Variants in ABCA1 observed in about 807,000 individuals in gnomAD.
ABCA1 encodes the protein ATP binding cassette subfamily A member 1, also known as phospholipid-transporting ATPase ABCA1.
Under a neutral mutation model 262.5 loss-of-function variants are expected in ABCA1, and 133 were observed. The ratio of observed to expected loss-of-function variants is 0.51; its 90% CI spans 0.44 to 0.59. The LOEUF (loss-of-function observed/expected upper bound fraction) is 0.59, where lower values mean the gene tolerates loss of function less well. ABCA1 is among the 20% of genes least tolerant of loss of function. ABCA1 has a pLI of 0.00. For synonymous variants in ABCA1, 1,022 were observed against 1,043.5 expected, an observed-to-expected ratio of 0.98 and a Z score of 0.40; for missense variants, 2,452 against 2,777.5, an observed-to-expected ratio of 0.88 and a Z score of 2.63.
intron 27 of ABCA1, 76 bp from the exon 28 acceptor site, chr9:104,812,798 C>T: frequency 6.4e-7 from 1 of 1,572,742 alleles, no homozygotes. Context: ...CTTCTGGTGT[C>T]TTCAACAACT....
Position 104,805,719 on chromosome 9 carries a change from T to C in ABCA1, c.4464+522A>G, listed in dbSNP as rs926000424. On this transcript the variant is annotated intron_variant, in intron 31 of 49. Coordinates refer to ENST00000374736, the MANE Select transcript of ABCA1 (RefSeq NM_005502.4). The stretch of plus-strand genomic sequence containing the variant: ...GCCTGCCACAGTCTGTCCTGTGACT[T>C]TACTGCTGTGGGACAGGCATGGGCA... Among the ~76,000 whole-genome samples the C allele has an allele frequency of 5.9e-5, 9 of 152,328 alleles. No homozygotes were observed. The East Asian group carries it at 1.7e-3, about 29-fold the overall frequency.
At chr9:104,829,162 G>A in intron 14 of ABCA1, 24 bp from the exon 15 acceptor site, 4 of 1,613,300 alleles carry the variant, frequency 2.5e-6, no homozygotes, top group Non-Finnish European at 3.4e-6. Flanking sequence ...GGAAGGACAA[G>A]GGGAGAAAGA....
In ABCA1 at chr9:104,818,630, C is replaced by T. The variant is rs999410877; in HGVS notation, c.3462+33G>A. 1.9e-6 allele frequency: 3 copies of T among 1,604,318 alleles called. No homozygotes were observed. In the African/African-American group the frequency reaches 4.0e-5, roughly 21 times the overall value. On this transcript the variant is annotated intron_variant, in intron 23 of 49. Transcript: ENST00000374736. Reference sequence around the variant, plus strand: ...CCAGCAAGTCCTGGCTGCCCAGACCCAACACCAGCCCAGCACCAAGACTGC... The same window carrying T: ...CCAGCAAGTCCTGGCTGCCCAGACCTAACACCAGCCCAGCACCAAGACTGC...
chr9:104,836,239 G>T (rs530673083), intron 11 of ABCA1, among the ~76,000 whole-genome samples: 8 of 152,246 alleles, frequency 5.3e-5, no homozygotes, highest in South Asian at 4.1e-4. Context: ...AAACCCAGCC[G>T]CCCTTAAAGT....
intron 18 of ABCA1, 86 bp downstream of exon 18, chr9:104,824,379 A>G: frequency 1.3e-6 from 2 of 1,591,140 alleles, no homozygotes; most frequent in Non-Finnish European, 1.7e-6. Flanking sequence ...GTCTTTTAGA[A>G]AGGCAGGAGA....
At chr9:104,812,455 C>T (rs1831360199) in intron 28 of ABCA1, 119 bp downstream of exon 28, 2 of 1,326,882 alleles carry the variant, frequency 1.5e-6, no homozygotes, top group Admixed American at 1.8e-5. Context: ...GATTGAAATA[C>T]AGATAAATCT....
rs147342628 is a variant in ABCA1 at position 104,828,602 on chromosome 9, T to C, written c.2115+314A>G. Among the ~76,000 whole-genome samples the C allele has an allele frequency of 5.8e-3, 888 of 152,286 alleles. 5 individuals are homozygous for C. The highest frequency in any genetic ancestry group is 0.017 in the Middle Eastern group (5 of 294). On this transcript the variant is annotated intron_variant, in intron 15 of 49. Transcript: ENST00000374736. Reference sequence around the variant, plus strand: ...CACCCAATATATCTAAGAAAATAAATAGCTTTCAGATGCTGCCATGAACCA... The same window carrying C: ...CACCCAATATATCTAAGAAAATAAACAGCTTTCAGATGCTGCCATGAACCA...
intron 1 of ABCA1, among the ~76,000 whole-genome samples, chr9:104,910,907 A>C (rs761638724): frequency 6.6e-6 from 1 of 151,974 alleles, no homozygotes; most frequent in Non-Finnish European, 1.5e-5. Context: ...GGGTTTCAAC[A>C]TGTTGGCCAG....
Position 104,883,137 on chromosome 9 carries a change from T to C in ABCA1, c.323A>G (p.Asp108Gly). Residue 108 changes from aspartate (D) to glycine (G), a missense_variant, in exon 5 of 50, where the codon GAT (aspartate) becomes GGT (glycine). Around this residue, in one of 4 missense-constraint regions of ABCA1, gnomAD observed 1,032 missense variants for 1,089.7 expected, o/e 0.95. Transcript: ENST00000374736. ...GCTGTATAAAAGAAGCCTCCGAGCA[T>C]CTGAGAACAGGCGAGCCACACTGTA... is the stretch of plus-strand genomic sequence containing the variant. ...NKSIVARLFS[D>G]ARRLLLYSQK... 2 of 1,613,404 alleles carry C rather than the reference T, an allele frequency of 1.2e-6. No homozygotes were observed. The highest frequency in any genetic ancestry group is 1.7e-6 in the Non-Finnish European group (2 of 1,180,018).
intron 6 of ABCA1, among the ~76,000 whole-genome samples, chr9:104,860,310 G>A (rs1212992221): frequency 2.6e-5 from 4 of 152,146 alleles, no homozygotes; most frequent in African/African-American, 9.7e-5. Flanking sequence ...TATGAAATTG[G>A]CAGGGGGCAA....
At chr9:104,865,335 G>A (rs1305391448) in intron 5 of ABCA1, among the ~76,000 whole-genome samples, 1 of 152,028 alleles carries the variant, frequency 6.6e-6, no homozygotes, top group African/African-American at 2.4e-5. Context: ...GATCAGCCTG[G>A]TGAAACCCAG....
At chr9:104,787,852 G>C (rs1829059526) in intron 46 of ABCA1, 68 bp downstream of exon 46, 1 of 1,613,682 alleles carries the variant, frequency 6.2e-7, no homozygotes, top group Non-Finnish European at 8.5e-7. Context: ...TGGACATATA[G>C]GACTTTTGAA....
At position 104,783,023 on chromosome 9, in the gene ABCA1, C is replaced by CA. The variant is rs547038401; in HGVS notation, c.*1291dup. On this transcript the variant is annotated 3_prime_UTR_variant, in exon 50 of 50. Transcript: ENST00000374736. ...TACTCTTTCAGCTACAGCATACACT[C>CA]AAAAAATATTTGATTGATGAAGTGA... The CA allele has an allele frequency of 6.6e-6, 1 of 152,482 alleles. No individual in the cohort carries two copies. 9.4% of individuals were successfully genotyped at this position (152,482 alleles called of 1,614,324 possible). A position where few individuals can be genotyped will look rare whatever the true frequency, so the allele number is the denominator to read the frequency against.
At chr9:104,809,776 A>G (rs1831107848) in intron 29 of ABCA1, among the ~76,000 whole-genome samples, 1 of 152,066 alleles carries the variant, frequency 6.6e-6, no homozygotes, top group Non-Finnish European at 1.5e-5. Flanking sequence ...TCCAAAGTGG[A>G]GCTTGTTTTA....
Position 104,803,380 on chromosome 9 carries a change from A to C in ABCA1, c.4560-64T>G, listed in dbSNP as rs1255376743. 2.7e-5 allele frequency: 40 copies of C among 1,475,706 alleles called. No homozygotes were observed. In the East Asian group the frequency reaches 9.1e-4, roughly 33 times the overall value. 91.4% of individuals were successfully genotyped at this position (1,475,706 alleles called of 1,614,324 possible). ...GCACTGAGCCTATTCCTAATGATGC[A>C]AAAGGAGTAAATATCCACCTGAGGA... On this transcript the variant is annotated intron_variant, in intron 32 of 49. Coordinates refer to ENST00000374736, the MANE Select transcript of ABCA1 (RefSeq NM_005502.4).
At chr9:104,868,511 C>T (rs565871080) in intron 5 of ABCA1, among the ~76,000 whole-genome samples, 19 of 152,280 alleles carry the variant, frequency 1.2e-4, no homozygotes, top group Middle Eastern at 3.4e-3. Context: ...TCACAGGATG[C>T]GGAGCTGGGC....
In ABCA1 at chr9:104,850,798, T is replaced by C. The variant is rs145490890; in HGVS notation, c.721-5229A>G. On this transcript the variant is annotated intron_variant, in intron 7 of 49. Coordinates refer to ENST00000374736, the MANE Select transcript of ABCA1 (RefSeq NM_005502.4). ...ACAGCTTGGAATTCCTACTATTATT[T>C]TTCTAACCAAAAACATTCTCTTGGC... 5.1e-3 allele frequency among the ~76,000 whole-genome samples: 774 copies of C among 152,358 alleles called. 4 individuals are homozygous for C. The highest frequency in any genetic ancestry group is 0.017 in the African/African-American group (720 of 41,588).
At position 104,798,540 on chromosome 9, in the gene ABCA1, C is replaced by T. The variant is rs767589350; in HGVS notation, c.5002G>A (p.Val1668Ile). 1.6e-5 allele frequency: 26 copies of T among 1,613,972 alleles called. No homozygotes were observed. In the East Asian group the frequency reaches 3.3e-4, roughly 21 times the overall value. The change falls in exon 37 of 50, where the codon GTC becomes ATC. Residue 1668 changes from valine to isoleucine, a missense_variant. Around this residue, in one of 4 missense-constraint regions of ABCA1, gnomAD observed 752 missense variants for 944.5 expected, o/e 0.80. Transcript: ENST00000374736. ...SICVIFAMSF[V>I]PASFVVFLIQ... Reference sequence around the variant, plus strand: ...AGGAATACGACAAAGCTGGCTGGGACGAAGGACATTGCAAAGATGACACAG... The same window carrying T: ...AGGAATACGACAAAGCTGGCTGGGATGAAGGACATTGCAAAGATGACACAG...
chr9:104,817,201 A>C lies in ABCA1; in HGVS notation c.3535+131T>G. 28 of 1,572,826 alleles carry C rather than the reference A, an allele frequency of 1.8e-5. No homozygotes were observed. In the East Asian group the frequency reaches 2.1e-4, roughly 12 times the overall value. On this transcript the variant is annotated intron_variant, in intron 24 of 49. Transcript: ENST00000374736. This position sits in a 1 kb window ranked among gnomAD's most constrained non-coding sequence, Gnocchi z 4.7. ...CCAAGCTGCTCCCACACCCGCAGCC[A>C]CCCAGCCCCAGCCCAGCAGCAAACC...
Sources: allele counts gnomAD v4.1 joint callset (sites outside exome capture counted in the v4.1 genomes callset), GRCh38; gene constraint gnomAD v4.1.1; regional missense constraint gnomAD v4.1.1; non-coding constraint Gnocchi (gnomAD v3.1); transcripts MANE v1.5; gene names NCBI Gene and HGNC (gene_info 2026-07-23, HGNC 2026-07-21).